The following AP2A2 variants were observed in gnomAD, a reference collection of about 807,000 sequenced individuals.
The protein encoded by AP2A2 is adaptor related protein complex 2 subunit alpha 2.
Under a neutral mutation model 104.2 loss-of-function variants are expected in AP2A2, and 32 were observed. That is an observed-to-expected ratio of 0.31 (90% CI 0.23 to 0.41). AP2A2 has a LOEUF of 0.41. Ranked by LOEUF, AP2A2 falls within the 10% of genes least tolerant of loss-of-function variation. The probability of loss-of-function intolerance (pLI) is 1.00; values close to 1 mark genes in which losing one functional copy is unlikely to be tolerated. For missense variants in AP2A2, 912 were observed against 1,261.0 expected (o/e 0.72, Z 4.19); for synonymous variants, 539 against 533.3 (o/e 1.01, Z -0.15).
At chr11:934,498 G>A (rs543548918) in intron 1 of AP2A2, among the ~76,000 whole-genome samples, 2 of 152,220 alleles carry the variant, frequency 1.3e-5, no homozygotes, top group South Asian at 2.1e-4. Context: ...TTCAGACTCC[G>A]AGTTGTGATG....
chr11:1,005,671 G>GA (rs1038421164), intron 16 of AP2A2, among the ~76,000 whole-genome samples: 20 of 152,184 alleles, frequency 1.3e-4, no homozygotes, highest in African/African-American at 4.8e-4. Flanking sequence ...GAAAGAATGT[G>GA]AAAAAAGAGA....
intron 20 of AP2A2, 77 bp from the exon 21 acceptor site, chr11:1,009,606 T>C (rs1564825506): frequency 1.4e-6 from 2 of 1,409,720 alleles, no homozygotes; most frequent in African/African-American, 2.8e-5. Flanking sequence ...AGCGCCAGGG[T>C]CTGGAGGGGC....
chr11:969,548 G>T (rs1854748327), intron 2 of AP2A2, among the ~76,000 whole-genome samples: 1 of 152,080 alleles, frequency 6.6e-6, no homozygotes, highest in Non-Finnish European at 1.5e-5. Context: ...TTTTTTAAGG[G>T]TTGGTTTTAT....
chr11:967,330 G>A (rs775316713), intron 2 of AP2A2, among the ~76,000 whole-genome samples: 22 of 152,112 alleles, frequency 1.4e-4, no homozygotes, highest in African/African-American at 4.1e-4. Flanking sequence ...CTGATGCTCC[G>A]TCCGTGCTGT....
chr11:965,467 A>G (rs1427572262), intron 2 of AP2A2, among the ~76,000 whole-genome samples: 1 of 152,188 alleles, frequency 6.6e-6, no homozygotes, highest in Non-Finnish European at 1.5e-5. Context: ...TTTATCCTTT[A>G]ATGAGGGTTG....
chr11:933,236 A>G (rs1011283051), intron 1 of AP2A2, among the ~76,000 whole-genome samples: 2 of 152,194 alleles, frequency 1.3e-5, no homozygotes, highest in East Asian at 1.9e-4. Flanking sequence ...CCACTGCACT[A>G]TAGCCAGGGC....
At chr11:930,120 C>CAA (rs1157025547) in intron 1 of AP2A2, among the ~76,000 whole-genome samples, 606 of 48,126 alleles carry the variant, frequency 0.013, no homozygotes, top group Non-Finnish European at 0.016. Flanking sequence ...GACTCTGTCT[C>CAA]AAAAAAAAAA....
intron 2 of AP2A2, among the ~76,000 whole-genome samples, chr11:962,827 G>A (rs1008755997): frequency 6.6e-6 from 1 of 152,098 alleles, no homozygotes; most frequent in African/African-American, 2.4e-5. Context: ...TAGGGAAGGT[G>A]GCCCCTCCTA....
intron 9 of AP2A2, 132 bp downstream of exon 9, chr11:987,085 GC>G: frequency 1.8e-6 from 2 of 1,090,428 alleles, no homozygotes; most frequent in Admixed American, 4.7e-5. Context: ...GCTGGCCTCC[GC>G]CTGTCACCTA....
Position 970,173 on chromosome 11 carries a change from C to T in AP2A2, c.141C>T (p.Asp47=). 1.2e-6 allele frequency: 2 copies of T among 1,613,818 alleles called. No homozygotes were observed. The highest frequency in any genetic ancestry group is 1.7e-6 in the Non-Finnish European group (2 of 1,179,794). Residue 47 remains aspartate, a synonymous_variant, in exon 3 of 22, where the codon GAC becomes GAT. Coordinates refer to ENST00000448903, the MANE Select transcript of AP2A2 (RefSeq NM_012305.4). ...TCTTCCCCACCTTTTCTGTAGGTGA[C>T]AAGGCTCTTGATGGCTATAGTAAAA... The part of the protein sequence containing the change: ...LANIRSKFKG[D]KALDGYSKKK...
intron 14 of AP2A2, among the ~76,000 whole-genome samples, chr11:998,819 G>T (rs1461051047): frequency 6.6e-6 from 1 of 152,134 alleles, no homozygotes; most frequent in Non-Finnish European, 1.5e-5. Flanking sequence ...TCCACCTCCT[G>T]AGTAGCTGGG....
At chr11:949,475 C>T (rs1035439248) in intron 1 of AP2A2, among the ~76,000 whole-genome samples, 3 of 152,036 alleles carry the variant, frequency 2.0e-5, no homozygotes, top group South Asian at 2.1e-4. Context: ...CCAGCAACAA[C>T]GTATAAAAAG....
intron 16 of AP2A2, among the ~76,000 whole-genome samples, chr11:1,004,069 A>T (rs754657608): frequency 2.0e-5 from 3 of 152,138 alleles, no homozygotes; most frequent in Non-Finnish European, 2.9e-5. Flanking sequence ...TTCTCCAGGG[A>T]AAATACAGGA....
intron 1 of AP2A2, among the ~76,000 whole-genome samples, chr11:946,176 AC>A (rs1160393267): frequency 4.6e-5 from 7 of 152,302 alleles, no homozygotes; most frequent in Admixed American, 3.9e-4. Context: ...TTATCTGTGA[AC>A]AACTGTGGCA....
rs1232047900 is a variant in AP2A2 at position 1,011,195 on chromosome 11, T to G, written c.*570T>G. On this transcript the variant is annotated 3_prime_UTR_variant, in exon 22 of 22. Coordinates refer to ENST00000448903, the MANE Select transcript of AP2A2 (RefSeq NM_012305.4). Reference sequence around the variant, plus strand: ...AAACATTTGTATTTGTAATGACTTCTGGCAAAAGCACGTGTCCTGGCCGGA... The same window carrying G: ...AAACATTTGTATTTGTAATGACTTCGGGCAAAAGCACGTGTCCTGGCCGGA... 1.9e-6 allele frequency: 1 copy of G among 522,322 alleles called. No homozygotes were observed. The highest frequency in any genetic ancestry group is 3.8e-6 in the Non-Finnish European group (1 of 262,228). 32.4% of individuals were successfully genotyped at this position (522,322 alleles called of 1,614,324 possible).
In AP2A2 at chr11:992,518, A is replaced by G. The variant is rs1855693535; in HGVS notation, c.1285A>G (p.Ile429Val). The stretch of plus-strand genomic sequence containing the variant: ...TCCCCCACAGGTGCTGAAGGTCGCC[A>G]TCCTGGCTGAGAAGTACGCGGTGGA... ...IREEIVLKVA[I>V]LAEKYAVDYT... Residue 429 changes from isoleucine to valine, a missense_variant, in exon 11 of 22, where the codon ATC (isoleucine) becomes GTC (valine). Transcript: ENST00000448903. The surrounding 1 kb of genome is among the most constrained non-coding windows in gnomAD (Gnocchi z 6.4). 6.3e-7 allele frequency: 1 copy of G among 1,598,410 alleles called. No homozygotes were observed. The highest frequency in any genetic ancestry group is 1.1e-5 in the South Asian group (1 of 88,690).
intron 3 of AP2A2, among the ~76,000 whole-genome samples, 160 bp from the exon 4 acceptor site, chr11:971,902 C>T (rs920102016): frequency 6.6e-6 from 1 of 152,058 alleles, no homozygotes; most frequent in South Asian, 2.1e-4. Context: ...AGACGTTTGC[C>T]GAATCCTGAG....
At chr11:973,008 AC>A (rs1436328346) in intron 4 of AP2A2, among the ~76,000 whole-genome samples, 4 of 152,116 alleles carry the variant, frequency 2.6e-5, no homozygotes, top group Non-Finnish European at 2.9e-5. Flanking sequence ...GCTTAAAGCA[AC>A]CCTGGGGTGT....
chr11:952,631 CTG>C (rs1219599184), intron 1 of AP2A2, among the ~76,000 whole-genome samples: 3 of 152,164 alleles, frequency 2.0e-5, no homozygotes, highest in African/African-American at 4.8e-5. Context: ...TGCAGGATGA[CTG>C]TGGCCAGCGT....
Sources: allele counts gnomAD v4.1 joint callset (sites outside exome capture counted in the v4.1 genomes callset), GRCh38; gene constraint gnomAD v4.1.1; non-coding constraint Gnocchi (gnomAD v3.1); transcripts MANE v1.5; gene names NCBI Gene and HGNC (gene_info 2026-07-23, HGNC 2026-07-21).